Variants in SCGN observed in about 807,000 individuals in gnomAD.
SCGN encodes secretagogin.
In SCGN, 30 loss-of-function variants were observed where a neutral mutation model predicts 39.7. The observed-to-expected ratio is 0.76, with a 90% CI of 0.57 to 1.03. The LOEUF is 1.03. SCGN is among the 50% of genes least tolerant of loss of function. SCGN has a pLI of 0.00. For synonymous variants in SCGN, 106 were observed against 114.1 expected (o/e 0.93, Z 0.45); for missense variants, 353 against 349.4 (o/e 1.01, Z -0.08).
intron 2 of SCGN, 109 bp downstream of exon 2, chr6:25,653,561 T>G: frequency 1.3e-6 from 1 of 764,930 alleles, no homozygotes; most frequent in Non-Finnish European, 2.2e-6. Flanking sequence ...CTTTCTTCCT[T>G]GCATGTATGT....
rs372074429 is a variant in SCGN at position 25,658,126 on chromosome 6, G to A, written c.154-3426G>A. Among the ~76,000 whole-genome samples the A allele has an allele frequency of 2.8e-4, 38 of 136,470 alleles. No individual in the cohort carries two copies. In the East Asian group the frequency reaches 7.7e-3, roughly 28 times the overall value. The allele number at this position is 136,470 out of a possible 152,430, so 89.5% of individuals were successfully genotyped here. A position where few individuals can be genotyped will look rare whatever the true frequency, so the allele number is the denominator to read the frequency against. ...GCGATCTTGGCTCATTGCAACCTCC[G>A]CCTCACGGGTTCAAGCTATTCTCCT... On this transcript the variant is annotated intron_variant, in intron 2 of 10. Coordinates refer to ENST00000377961, the MANE Select transcript of SCGN (RefSeq NM_006998.4).
chr6:25,666,099 G>A (rs1382679731), intron 4 of SCGN, among the ~76,000 whole-genome samples: 1 of 151,284 alleles, frequency 6.6e-6, no homozygotes, highest in Non-Finnish European at 1.5e-5. Flanking sequence ...CAGCACTCTG[G>A]GAGTCTGAGG....
At chr6:25,686,307 T>G (rs1759704318) in intron 7 of SCGN, among the ~76,000 whole-genome samples, 1 of 152,224 alleles carries the variant, frequency 6.6e-6, no homozygotes. Flanking sequence ...TTTTCTAAAG[T>G]GGCTGCACCA....
chr6:25,671,571 G>T (rs9467557), intron 6 of SCGN, among the ~76,000 whole-genome samples: 1 of 152,150 alleles, frequency 6.6e-6, no homozygotes, highest in Non-Finnish European at 1.5e-5. Context: ...AGCTTCTTAC[G>T]GTGTTGATTT....
At chr6:25,674,053 G>A (rs1308415834) in intron 6 of SCGN, among the ~76,000 whole-genome samples, 1 of 152,122 alleles carries the variant, frequency 6.6e-6, no homozygotes, top group African/African-American at 2.4e-5. Context: ...CTATAGCAAG[G>A]ACAGCACCAA....
At chr6:25,691,750 G>C (rs973499651) in intron 10 of SCGN, among the ~76,000 whole-genome samples, 1 of 152,136 alleles carries the variant, frequency 6.6e-6, no homozygotes, top group African/African-American at 2.4e-5. Flanking sequence ...CCATGGGATT[G>C]TGTCGACAAT....
intron 3 of SCGN, among the ~76,000 whole-genome samples, chr6:25,663,583 A>G (rs1008704113): frequency 2.0e-5 from 3 of 152,214 alleles, no homozygotes; most frequent in African/African-American, 7.2e-5. Flanking sequence ...TTTCCAAATG[A>G]GGAAACTGAG....
intron 2 of SCGN, among the ~76,000 whole-genome samples, chr6:25,654,813 C>A (rs186469365): frequency 6.6e-6 from 1 of 152,276 alleles, no homozygotes; most frequent in Admixed American, 6.5e-5. Context: ...CTGCACTCCA[C>A]CCCTTACCCT....
chr6:25,695,951 AAAT>A (rs1759831866), intron 10 of SCGN, among the ~76,000 whole-genome samples: 1 of 152,242 alleles, frequency 6.6e-6, no homozygotes, highest in South Asian at 2.1e-4. Flanking sequence ...GAGAAGGTAG[AAAT>A]ATGAACACTA....
At chr6:25,677,837 T>C (rs1206485561) in intron 6 of SCGN, among the ~76,000 whole-genome samples, 1 of 152,200 alleles carries the variant, frequency 6.6e-6, no homozygotes, top group Admixed American at 6.5e-5. Context: ...CTAAGAATTG[T>C]TTTAAAAAGT....
intron 7 of SCGN, among the ~76,000 whole-genome samples, chr6:25,683,726 C>T (rs6942120): frequency 0.18 from 27,869 of 152,092 alleles, 2,813 homozygotes; most frequent in East Asian, 0.37. Context: ...GCTCAGATGC[C>T]GACTGATACA....
At chr6:25,660,159 G>T (rs1308940808) in intron 2 of SCGN, among the ~76,000 whole-genome samples, 1 of 152,190 alleles carries the variant, frequency 6.6e-6, no homozygotes, top group Non-Finnish European at 1.5e-5. Context: ...TTGTTAAAGA[G>T]CATGGCTTAG....
chr6:25,657,463 C>A (rs371101768), intron 2 of SCGN, among the ~76,000 whole-genome samples: 2 of 152,044 alleles, frequency 1.3e-5, no homozygotes, highest in Admixed American at 6.5e-5. Context: ...TAAGATAACA[C>A]AAGTGAAAGG....
At chr6:25,685,809 T>G (rs954261991) in intron 7 of SCGN, among the ~76,000 whole-genome samples, 7 of 152,274 alleles carry the variant, frequency 4.6e-5, no homozygotes, top group African/African-American at 1.7e-4. Context: ...TTTTAAGATA[T>G]TCATAAGGTT....
intron 2 of SCGN, among the ~76,000 whole-genome samples, chr6:25,655,277 A>G: frequency 6.6e-6 from 1 of 152,192 alleles, no homozygotes. Context: ...AAAAGGGAGG[A>G]GAAAAATTGC....
chr6:25,657,808 C>T (rs117118227), intron 2 of SCGN, among the ~76,000 whole-genome samples: 2 of 150,782 alleles, frequency 1.3e-5, no homozygotes, highest in East Asian at 1.9e-4. Flanking sequence ...ACTCTTTGGT[C>T]CTTCATGAGT....
intron 10 of SCGN, among the ~76,000 whole-genome samples, chr6:25,693,405 T>C (rs1759797813): frequency 7.3e-6 from 1 of 137,214 alleles, no homozygotes; most frequent in Non-Finnish European, 1.5e-5. Flanking sequence ...TGAGCTGAGA[T>C]TGGGCCACTG....
At chr6:25,689,783 T>G (rs556886839) in intron 9 of SCGN, among the ~76,000 whole-genome samples, 1 of 152,196 alleles carries the variant, frequency 6.6e-6, no homozygotes, top group East Asian at 1.9e-4. Flanking sequence ...GCCTAAACTA[T>G]AAGTTTTCTC....
intron 6 of SCGN, among the ~76,000 whole-genome samples, chr6:25,679,781 TAG>T (rs1301892464): frequency 7.2e-5 from 11 of 152,334 alleles, no homozygotes; most frequent in African/African-American, 2.4e-4. Flanking sequence ...GAAATCCACG[TAG>T]AGTCTTTTCT....
Sources: allele counts gnomAD v4.1 joint callset (sites outside exome capture counted in the v4.1 genomes callset), GRCh38; gene constraint gnomAD v4.1.1; transcripts MANE v1.5; gene names NCBI Gene and HGNC (gene_info 2026-07-23, HGNC 2026-07-21).